The following TNFRSF19 variants were observed in gnomAD, a reference collection of about 807,000 sequenced individuals.
The protein encoded by TNFRSF19 is TNF receptor superfamily member 19.
A neutral mutation model predicts 46.4 loss-of-function variants in TNFRSF19; 27 were observed. The observed-to-expected ratio is 0.58, with a 90% CI of 0.43 to 0.80. TNFRSF19 has a LOEUF of 0.80. Ranked by LOEUF, TNFRSF19 falls within the 30% of genes least tolerant of loss-of-function variation. The pLI, the probability that TNFRSF19 is intolerant of heterozygous loss-of-function variation, is 0.00. For synonymous variants in TNFRSF19, 204 were observed against 205.0 expected (o/e 1.00, Z 0.04); for missense variants, 511 against 530.8 (o/e 0.96, Z 0.37).
At chr13:23,639,402 T>C (rs1011261444) in intron 5 of TNFRSF19, among the ~76,000 whole-genome samples, 6 of 152,098 alleles carry the variant, frequency 3.9e-5, no homozygotes, top group Non-Finnish European at 7.4e-5. Flanking sequence ...CAAAAGATAA[T>C]TTAAAAAAAA....
intron 5 of TNFRSF19, among the ~76,000 whole-genome samples, chr13:23,653,244 T>C (rs1883759109): frequency 6.6e-6 from 1 of 152,172 alleles, no homozygotes; most frequent in African/African-American, 2.4e-5. Flanking sequence ...ACACCCCTTC[T>C]GCCCACTTTC....
chr13:23,645,111 G>T (rs1056073356), intron 5 of TNFRSF19, among the ~76,000 whole-genome samples: 3 of 152,090 alleles, frequency 2.0e-5, no homozygotes, highest in African/African-American at 7.2e-5. Flanking sequence ...CAATGGGCAG[G>T]GTCATTAATT....
chr13:23,600,477 C>A (rs556687623), intron 3 of TNFRSF19, among the ~76,000 whole-genome samples: 1 of 152,288 alleles, frequency 6.6e-6, no homozygotes, highest in South Asian at 2.1e-4. Context: ...GTGAGTTTTA[C>A]TTCCAGGAAC....
rs12585811 is a variant in TNFRSF19, at chr13:23,594,223, C to T, written c.180+768C>T. On this transcript the variant is annotated intron_variant, in intron 3 of 9. Transcript: ENST00000248484. ...GCTGCAGGAGTTTTTTTTTCATACC[C>T]TAGTGGCATCTGGAACACCAGCGAG... 5,235 of 451,440 alleles carry T rather than the reference C, an allele frequency of 0.012. 373 individuals carry two copies. The East Asian group carries it at 0.21, about 18-fold the overall frequency. 28.0% of individuals were successfully genotyped at this position (451,440 alleles called of 1,614,324 possible).
At chr13:23,645,455 G>A (rs1883277556) in intron 5 of TNFRSF19, among the ~76,000 whole-genome samples, 1 of 152,164 alleles carries the variant, frequency 6.6e-6, no homozygotes, top group Non-Finnish European at 1.5e-5. Context: ...TACCGCCTTG[G>A]CCTCCCAAAG....
At chr13:23,621,917 C>T (rs1240996068) in intron 4 of TNFRSF19, among the ~76,000 whole-genome samples, 1 of 152,072 alleles carries the variant, frequency 6.6e-6, no homozygotes, top group Non-Finnish European at 1.5e-5. Context: ...CACCACTGCA[C>T]TCCAGCCTGG....
chr13:23,619,255 G>A, intron 4 of TNFRSF19, among the ~76,000 whole-genome samples: 1 of 152,176 alleles, frequency 6.6e-6, no homozygotes, highest in Non-Finnish European at 1.5e-5. Flanking sequence ...AAAACATTAT[G>A]CCAAGTGAAA....
intron 3 of TNFRSF19, among the ~76,000 whole-genome samples, chr13:23,598,752 T>C (rs1879915755): frequency 6.6e-6 from 1 of 152,258 alleles, no homozygotes; most frequent in African/African-American, 2.4e-5. Context: ...TTCAGAGCTA[T>C]ACATCCATTT....
At position 23,652,700 on chromosome 13, in the gene TNFRSF19, G is replaced by C. The variant is rs546029277; in HGVS notation, c.446-6350G>C. The stretch of plus-strand genomic sequence containing the variant: ...CATCTGCATTGTCATTAGCGACATA[G>C]CCCAAGGTGGAAGGTTATTAGACAA... On this transcript the variant is annotated intron_variant, in intron 5 of 9. Coordinates refer to ENST00000248484, the MANE Select transcript of TNFRSF19 (RefSeq NM_148957.4). Among the ~76,000 whole-genome samples the C allele has an allele frequency of 3.9e-5, 6 of 152,328 alleles. No individual in the cohort carries two copies. In the South Asian group the frequency reaches 8.3e-4, roughly 21 times the overall value.
intron 5 of TNFRSF19, among the ~76,000 whole-genome samples, chr13:23,640,546 GCCAGGTGGCCT>G (rs1344305809): frequency 6.6e-6 from 1 of 152,202 alleles, no homozygotes. Context: ...GCTAGGCTGG[GCCAGGTGGCCT>G]CCCGTCTTCT....
intron 2 of TNFRSF19, among the ~76,000 whole-genome samples, chr13:23,592,097 T>C (rs1213830199): frequency 6.6e-6 from 1 of 152,142 alleles, no homozygotes; most frequent in Non-Finnish European, 1.5e-5. Flanking sequence ...ATTAAACCTT[T>C]GACCTTAAAG....
chr13:23,634,784 C>T lies in TNFRSF19; in HGVS notation c.445+7992C>T, dbSNP rs187272736. ...TGAGGTGGCATGTGAGGGCCTGCACCGTGTGGGAAAACAGCTCTTGGGTTC... is the reference window on the plus strand; with the variant it reads ...TGAGGTGGCATGTGAGGGCCTGCACTGTGTGGGAAAACAGCTCTTGGGTTC... On this transcript the variant is annotated intron_variant, in intron 5 of 9. Transcript: ENST00000248484. Among the ~76,000 whole-genome samples, 17 of 152,256 alleles carry T rather than the reference C, an allele frequency of 1.1e-4. No individual in the cohort carries two copies. In the East Asian group the frequency reaches 3.1e-3, roughly 28 times the overall value.
intron 9 of TNFRSF19, among the ~76,000 whole-genome samples, chr13:23,671,263 T>C (rs891206999): frequency 2.0e-5 from 3 of 152,224 alleles, no homozygotes; most frequent in African/African-American, 7.2e-5. Context: ...CAATTATATC[T>C]AAACTGAACC....
intron 3 of TNFRSF19, among the ~76,000 whole-genome samples, chr13:23,606,994 A>G (rs1386264843): frequency 6.6e-6 from 1 of 152,254 alleles, no homozygotes; most frequent in Admixed American, 6.5e-5. Context: ...AATCACTGAA[A>G]TTAAAATTAC....
intron 3 of TNFRSF19, among the ~76,000 whole-genome samples, chr13:23,610,024 A>G (rs1337037760): frequency 6.6e-6 from 1 of 152,240 alleles, no homozygotes; most frequent in Non-Finnish European, 1.5e-5. Flanking sequence ...TCTAAGCACC[A>G]GCAACATAAA....
chr13:23,652,172 T>G (rs1883692498), intron 5 of TNFRSF19, among the ~76,000 whole-genome samples: 1 of 152,188 alleles, frequency 6.6e-6, no homozygotes, highest in Admixed American at 6.5e-5. Flanking sequence ...TAGGTTCCTG[T>G]GGTTAACTGC....
At chr13:23,629,004 G>T (rs1183097479) in intron 5 of TNFRSF19, among the ~76,000 whole-genome samples, 9 of 151,858 alleles carry the variant, frequency 5.9e-5, no homozygotes, top group Non-Finnish European at 1.3e-4. Context: ...CCAGAACACA[G>T]CTAATCTCCT....
intron 2 of TNFRSF19, among the ~76,000 whole-genome samples, chr13:23,591,980 C>T (rs1390667623): frequency 1.3e-5 from 2 of 152,058 alleles, no homozygotes; most frequent in African/African-American, 4.8e-5. Flanking sequence ...CCACCTGGGC[C>T]TTCCAAGGTG....
At chr13:23,630,860 C>T (rs1322945538) in intron 5 of TNFRSF19, among the ~76,000 whole-genome samples, 4 of 151,940 alleles carry the variant, frequency 2.6e-5, no homozygotes, top group Non-Finnish European at 4.4e-5. Context: ...AAGGGGTTTT[C>T]ACCAGAGTAA....
Sources: gnomAD v4.1 joint callset for allele counts (sites outside exome capture counted in the v4.1 genomes callset) on GRCh38, gnomAD v4.1.1 for gene constraint, MANE v1.5 for transcripts, NCBI Gene and HGNC (gene_info 2026-07-23, HGNC 2026-07-21) for gene names.